Variants in FAR1 observed in about 807,000 individuals in gnomAD.
The protein encoded by FAR1 is fatty acyl-CoA reductase 1, also known as male sterility domain-containing protein 2.
A neutral mutation model predicts 61.1 loss-of-function variants in FAR1; 22 were observed. The ratio of observed to expected loss-of-function variants is 0.36; its 90% CI spans 0.26 to 0.51. The LOEUF (loss-of-function observed/expected upper bound fraction) is 0.51. Ranked by LOEUF, FAR1 falls within the 20% of genes least tolerant of loss-of-function variation. The pLI, the probability that FAR1 is intolerant of heterozygous loss-of-function variation, is 0.95. For missense variants in FAR1, 359 were observed against 626.9 expected, an observed-to-expected ratio of 0.57 and a Z score of 4.56; for synonymous variants, 206 against 209.7, an observed-to-expected ratio of 0.98 and a Z score of 0.15.
Position 13,712,030 on chromosome 11 carries a change from T to A in FAR1, c.871T>A (p.Tyr291Asn). The change falls in exon 7 of 12, where the codon TAT (tyrosine) becomes AAT (asparagine). Residue 291 changes from tyrosine (Y) to asparagine (N), a missense_variant. Around this residue, in one of 2 missense-constraint regions of FAR1, gnomAD observed 344 missense variants for 570.3 expected, o/e 0.60. Coordinates refer to ENST00000354817, the MANE Select transcript of FAR1 (RefSeq NM_032228.6). ...CAACATGAGTCTTGCGGCAGCCTGG[T>A]ATTCCGGAGTTAATAGGTATATGAG... is the stretch of plus-strand genomic sequence containing the variant. ...VVNMSLAAAWYSGVNRPRNIM... is the reference protein window; with the variant it reads ...VVNMSLAAAWNSGVNRPRNIM... The A allele has an allele frequency of 6.2e-7, 1 of 1,610,286 alleles. No homozygotes were observed. Among genetic ancestry groups the A allele is most frequent in the Non-Finnish European group, 8.5e-7 (1 of 1,176,702 alleles).
intron 3 of FAR1, among the ~76,000 whole-genome samples, chr11:13,704,044 CAAAA>C (rs55995847): frequency 2.5e-5 from 2 of 79,640 alleles, no homozygotes; most frequent in Admixed American, 1.4e-4. Flanking sequence ...AACTCCGTCT[CAAAA>C]AAAAAAAAAA....
chr11:13,688,133 T>G (rs956810521), intron 1 of FAR1, among the ~76,000 whole-genome samples: 2 of 151,356 alleles, frequency 1.3e-5, no homozygotes, highest in African/African-American at 4.9e-5. Flanking sequence ...AAAATAAATA[T>G]CAAAATGCAC....
chr11:13,686,779 T>C (rs967115030), intron 1 of FAR1: 1 of 152,210 alleles, frequency 6.6e-6, no homozygotes, highest in Non-Finnish European at 1.5e-5. Context: ...TCCAGAAGTT[T>C]CTAAAATTAA....
chr11:13,696,150 G>T (rs1848304339), intron 2 of FAR1, among the ~76,000 whole-genome samples: 1 of 151,890 alleles, frequency 6.6e-6, no homozygotes, highest in East Asian at 1.9e-4. Flanking sequence ...ACTCATCTTG[G>T]CATTTTTATT....
At chr11:13,722,640 AT>A (rs1262030845) in intron 10 of FAR1, among the ~76,000 whole-genome samples, 1 of 151,644 alleles carries the variant, frequency 6.6e-6, no homozygotes. Flanking sequence ...CACCCAGCTA[AT>A]TTTTGTATTT....
At chr11:13,727,027 T>TAC (rs1415584507) in intron 10 of FAR1, among the ~76,000 whole-genome samples, 1 of 152,016 alleles carries the variant, frequency 6.6e-6, no homozygotes, top group Non-Finnish European at 1.5e-5. Flanking sequence ...TTTCTGGATT[T>TAC]ACCTATCCTT....
chr11:13,695,419 G>A (rs1455507059), intron 2 of FAR1, among the ~76,000 whole-genome samples: 2 of 151,994 alleles, frequency 1.3e-5, no homozygotes, highest in Non-Finnish European at 1.5e-5. Context: ...CAGAGGGGCC[G>A]TATAGAATAT....
intron 1 of FAR1, among the ~76,000 whole-genome samples, chr11:13,691,549 C>A (rs1848250152): frequency 6.6e-6 from 1 of 152,216 alleles, no homozygotes; most frequent in African/African-American, 2.4e-5. Flanking sequence ...GCCACAGGCA[C>A]AGGCAACTAC....
At chr11:13,692,571 A>G (rs566049723) in intron 1 of FAR1, among the ~76,000 whole-genome samples, 12 of 152,226 alleles carry the variant, frequency 7.9e-5, no homozygotes, top group African/African-American at 2.6e-4. Context: ...TTGGTGTTCT[A>G]TACTGTTTTA....
At chr11:13,728,024 G>A (rs979251223) in intron 11 of FAR1, among the ~76,000 whole-genome samples, 1 of 151,758 alleles carries the variant, frequency 6.6e-6, no homozygotes, top group African/African-American at 2.4e-5. Flanking sequence ...CTCCATATTC[G>A]AACCTCTTTT....
At chr11:13,686,350 C>T (rs1343311417) in intron 1 of FAR1, among the ~76,000 whole-genome samples, 3 of 152,038 alleles carry the variant, frequency 2.0e-5, no homozygotes, top group East Asian at 3.9e-4. Flanking sequence ...ATTTCCTTTC[C>T]GCATACCCCA....
chr11:13,683,485 A>G (rs1470649661), intron 1 of FAR1, among the ~76,000 whole-genome samples: 2 of 151,898 alleles, frequency 1.3e-5, no homozygotes, highest in Non-Finnish European at 2.9e-5. Context: ...ATGAAATACT[A>G]ATATTTTGTT....
chr11:13,678,078 G>T (rs146506268), intron 1 of FAR1, among the ~76,000 whole-genome samples: 2 of 152,138 alleles, frequency 1.3e-5, no homozygotes, highest in Admixed American at 1.3e-4. Context: ...TGAAAGTTAC[G>T]GACTTCTACG....
chr11:13,691,025 A>G (rs1276507568), intron 1 of FAR1, among the ~76,000 whole-genome samples: 4 of 152,216 alleles, frequency 2.6e-5, no homozygotes, highest in African/African-American at 9.6e-5. Flanking sequence ...TTGTGCTGCT[A>G]TAACAAAATA....
In FAR1 at chr11:13,721,710, C is replaced by T. The variant is rs757660391; in HGVS notation, c.1128-20C>T. ...TAATCTATACAAAATATGAATCTGT[C>T]CATTTTTCTTACAATACAGGATGAT... is the stretch of plus-strand genomic sequence containing the variant. On this transcript the variant is annotated intron_variant, in intron 9 of 11. Transcript: ENST00000354817. This position sits in a 1 kb window ranked among gnomAD's most constrained non-coding sequence, Gnocchi z 4.2. 3.7e-5 allele frequency: 59 copies of T among 1,604,356 alleles called. No individual in the cohort carries two copies. In the African/African-American group the frequency reaches 5.6e-4, roughly 15 times the overall value.
chr11:13,672,268 G>C (rs777802045), intron 1 of FAR1, among the ~76,000 whole-genome samples: 4 of 151,978 alleles, frequency 2.6e-5, no homozygotes, highest in Admixed American at 1.3e-4. Flanking sequence ...GAAGATCATG[G>C]ATGCTTTAAA....
chr11:13,688,664 A>C (rs1226883861), intron 1 of FAR1, among the ~76,000 whole-genome samples: 1 of 152,208 alleles, frequency 6.6e-6, no homozygotes. Context: ...CATAAGAAAA[A>C]AATAAAGCTC....
chr11:13,679,109 AT>A (rs535323639), intron 1 of FAR1, among the ~76,000 whole-genome samples: 4 of 151,996 alleles, frequency 2.6e-5, no homozygotes, highest in Admixed American at 6.6e-5. Flanking sequence ...AATTTTATAA[AT>A]TTTTTTTAGC....
chr11:13,673,522 A>G (rs1369363617), intron 1 of FAR1, among the ~76,000 whole-genome samples: 3 of 152,202 alleles, frequency 2.0e-5, no homozygotes, highest in Admixed American at 2.0e-4. Flanking sequence ...TGCTTGTGAA[A>G]CTAATAGCAC....
Sources: allele counts gnomAD v4.1 joint callset (sites outside exome capture counted in the v4.1 genomes callset), GRCh38; gene constraint gnomAD v4.1.1; regional missense constraint gnomAD v4.1.1; non-coding constraint Gnocchi (gnomAD v3.1); transcripts MANE v1.5; gene names NCBI Gene and HGNC (gene_info 2026-07-23, HGNC 2026-07-21).